Variants in SNTG1 observed in about 807,000 individuals in gnomAD.
The protein encoded by SNTG1 is gamma-1-syntrophin.
SNTG1 carries 39 observed loss-of-function variants against 74.7 expected under a neutral mutation model. That is an observed-to-expected ratio of 0.52 (90% CI 0.40 to 0.68). The LOEUF is 0.68. SNTG1 is among the 30% of genes least tolerant of loss of function. The pLI is 0.00. For synonymous variants in SNTG1, 254 were observed against 217.1 expected (o/e 1.17, Z -1.49); for missense variants, 685 against 609.5 (o/e 1.12, Z -1.30).
intron 2 of SNTG1, among the ~76,000 whole-genome samples, chr8:50,250,218 A>T (rs960992347): frequency 1.8e-4 from 28 of 152,034 alleles, no homozygotes; most frequent in Non-Finnish European, 3.7e-4. Flanking sequence ...AAGCAGAAGA[A>T]AGAATCTCTG....
intron 2 of SNTG1, among the ~76,000 whole-genome samples, chr8:50,310,723 A>G (rs2090078368): frequency 6.6e-6 from 1 of 152,152 alleles, no homozygotes; most frequent in African/African-American, 2.4e-5. Flanking sequence ...TAAATAAATA[A>G]ATGTAAGTAT....
At chr8:50,225,290 G>A (rs2085272904) in intron 2 of SNTG1, among the ~76,000 whole-genome samples, 2 of 152,110 alleles carry the variant, frequency 1.3e-5, no homozygotes, top group Admixed American at 1.3e-4. Flanking sequence ...TCTGAAGCAG[G>A]CTACCTGGAG....
chr8:50,476,074 G>A (rs867885516), intron 8 of SNTG1, among the ~76,000 whole-genome samples: 3 of 152,110 alleles, frequency 2.0e-5, no homozygotes, highest in South Asian at 2.1e-4. Context: ...CCACCCGTTA[G>A]ACACTTAGTA....
At position 50,352,994 on chromosome 8, in the gene SNTG1, T is replaced by A. The variant is rs530471745; in HGVS notation, c.-27-41218T>A. Among the ~76,000 whole-genome samples, 3 of 152,218 alleles carry A rather than the reference T, an allele frequency of 2.0e-5. No homozygotes were observed. In the South Asian group the frequency reaches 6.2e-4, roughly 32 times the overall value. On this transcript the variant is annotated intron_variant, in intron 2 of 18. Transcript: ENST00000642720. ...AGCACTATTCACAATAGCAAAGACT[T>A]GGAACCAACCCTAATGTCCCTCAAT...
In SNTG1 at chr8:50,410,067, T is replaced by C. The variant is rs1246709000; in HGVS notation, c.162+7723T>C. ...GAGTGAAACCACAATTTCCTGAAGA[T>C]GACTTTAAGAGAACTAATATCTACT... On this transcript the variant is annotated intron_variant, in intron 4 of 18. Transcript: ENST00000642720. Among the ~76,000 whole-genome samples the C allele has an allele frequency of 3.3e-5, 5 of 152,226 alleles. No homozygotes were observed. In the East Asian group the frequency reaches 7.7e-4, roughly 23 times the overall value.
intron 8 of SNTG1, among the ~76,000 whole-genome samples, chr8:50,463,877 T>G (rs1299386375): frequency 6.6e-6 from 1 of 152,208 alleles, no homozygotes; most frequent in Non-Finnish European, 1.5e-5. Flanking sequence ...TTGTCTACAG[T>G]GAAAAATTGC....
intron 8 of SNTG1, among the ~76,000 whole-genome samples, chr8:50,482,834 A>G (rs1051633743): frequency 1.3e-5 from 2 of 152,156 alleles, no homozygotes; most frequent in African/African-American, 4.8e-5. Flanking sequence ...GCATTGAGAT[A>G]ATGATGTATT....
intron 8 of SNTG1, among the ~76,000 whole-genome samples, chr8:50,477,414 A>C (rs1406843060): frequency 2.6e-5 from 4 of 152,200 alleles, no homozygotes; most frequent in Non-Finnish European, 1.5e-5. Context: ...TTATGAGAAA[A>C]AAAATCAGAA....
At chr8:50,278,608 C>G (rs2088251081) in intron 2 of SNTG1, among the ~76,000 whole-genome samples, 1 of 151,972 alleles carries the variant, frequency 6.6e-6, no homozygotes, top group Admixed American at 6.6e-5. Flanking sequence ...TTAGTATTCT[C>G]TCAATCATAT....
At chr8:50,228,855 G>A (rs1040230400) in intron 2 of SNTG1, among the ~76,000 whole-genome samples, 22 of 151,680 alleles carry the variant, frequency 1.5e-4, no homozygotes, top group Admixed American at 2.0e-4. Flanking sequence ...ACAGGAGGGG[G>A]AATACATTAA....
chr8:49,998,855 T>C (rs903014920), intron 1 of SNTG1, among the ~76,000 whole-genome samples: 1 of 152,200 alleles, frequency 6.6e-6, no homozygotes, highest in Non-Finnish European at 1.5e-5. Context: ...ATAAAAATTG[T>C]AGTATAGTAA....
chr8:50,375,172 A>G (rs1324054139), intron 2 of SNTG1, among the ~76,000 whole-genome samples: 3 of 152,180 alleles, frequency 2.0e-5, no homozygotes, highest in African/African-American at 7.2e-5. Flanking sequence ...CTGAAACTCT[A>G]TGCATGCTCC....
In SNTG1 at chr8:50,265,310, A is replaced by G. The variant is rs559225477; in HGVS notation, c.-28+92675A>G. 1.4e-4 allele frequency among the ~76,000 whole-genome samples: 22 copies of G among 152,272 alleles called. No homozygotes were observed. In the East Asian group the frequency reaches 4.2e-3, roughly 29 times the overall value. On this transcript the variant is annotated intron_variant, in intron 2 of 18. Coordinates refer to ENST00000642720, the MANE Select transcript of SNTG1 (RefSeq NM_018967.5). ...GGTATCACATATTACTAGAATAAAA[A>G]GTTGGTTTAACATTTTAAAATCAAT...
rs911459239 is a variant in SNTG1 at position 50,449,577 on chromosome 8, T to C, written c.220-91T>C. The C allele has an allele frequency of 1.4e-5, 13 of 924,986 alleles. No homozygotes were observed. The African/African-American group carries it at 2.2e-4, about 16-fold the overall frequency. 57.3% of individuals were successfully genotyped at this position (924,986 alleles called of 1,614,324 possible). On this transcript the variant is annotated intron_variant, in intron 5 of 18. Coordinates refer to ENST00000642720, the MANE Select transcript of SNTG1 (RefSeq NM_018967.5). Reference sequence around the variant, plus strand: ...ATTTAAATTCTGCCTAATATCCACTTAACATTCCCTTCAGAGCCTGTATGG... The same window carrying C: ...ATTTAAATTCTGCCTAATATCCACTCAACATTCCCTTCAGAGCCTGTATGG...
In SNTG1 at chr8:50,391,854, A is replaced by T. The variant is rs574100081; in HGVS notation, c.-27-2358A>T. On this transcript the variant is annotated intron_variant, in intron 2 of 18. Transcript: ENST00000642720. The stretch of plus-strand genomic sequence containing the variant: ...TTACTTCTGAGATCGTCCCCCTCCA[A>T]AACCCCATAACCACACTATAATAGT... Among the ~76,000 whole-genome samples the T allele has an allele frequency of 5.1e-4, 78 of 152,208 alleles. 1 individual carries two copies. In the South Asian group the frequency reaches 8.1e-3, roughly 16 times the overall value.
intron 15 of SNTG1, among the ~76,000 whole-genome samples, chr8:50,692,106 C>A (rs922714837): frequency 1.1e-4 from 17 of 151,910 alleles, no homozygotes; most frequent in African/African-American, 4.1e-4. Flanking sequence ...CCATCAGGTT[C>A]TTTAAGGACT....
At chr8:50,657,112 C>A in intron 14 of SNTG1, 87 bp downstream of exon 14, 1 of 605,708 alleles carries the variant, frequency 1.7e-6, no homozygotes, top group South Asian at 4.6e-5. Context: ...AGTATACCAT[C>A]AATATTTTTA....
intron 15 of SNTG1, among the ~76,000 whole-genome samples, chr8:50,662,891 C>T (rs937003521): frequency 5.3e-5 from 8 of 152,132 alleles, no homozygotes; most frequent in African/African-American, 1.9e-4. Context: ...TCTGTTAATT[C>T]ATATCAGTTA....
At chr8:50,261,851 AG>A (rs1344130053) in intron 2 of SNTG1, among the ~76,000 whole-genome samples, 2 of 152,148 alleles carry the variant, frequency 1.3e-5, no homozygotes, top group African/African-American at 4.8e-5. Context: ...GCTGAAAAAG[AG>A]TGGAGGATAA....
Sources: allele counts gnomAD v4.1 joint callset (sites outside exome capture counted in the v4.1 genomes callset), GRCh38; gene constraint gnomAD v4.1.1; transcripts MANE v1.5; gene names NCBI Gene and HGNC (gene_info 2026-07-23, HGNC 2026-07-21).